TMEM132D: variants seen among roughly 807,000 people sequenced by gnomAD.
TMEM132D encodes the protein transmembrane protein 132D, also known as mature OL transmembrane protein.
Under a neutral mutation model 62.3 loss-of-function variants are expected in TMEM132D, and 21 were observed. That is an observed-to-expected ratio of 0.34 (90% CI 0.24 to 0.49). The LOEUF (loss-of-function observed/expected upper bound fraction) is 0.49. Ranked by LOEUF, TMEM132D falls within the 20% of genes least tolerant of loss-of-function variation. The pLI, the probability that TMEM132D is intolerant of heterozygous loss-of-function variation, is 0.99. For missense variants in TMEM132D, 1,346 were observed against 1,402.8 expected (o/e 0.96, Z 0.65); for synonymous variants, 621 against 575.6 (o/e 1.08, Z -1.13).
rs145581985 is a variant in TMEM132D, at chr12:129,367,109, C to T, written c.1116-29292G>A. Reference sequence around the variant, plus strand: ...CACAGGGTGGCCCATTTGACGGATGCGACTAGCAAGACCTGCACAAGACGA... The same window carrying T: ...CACAGGGTGGCCCATTTGACGGATGTGACTAGCAAGACCTGCACAAGACGA... On this transcript the variant is annotated intron_variant, in intron 3 of 8. Coordinates refer to ENST00000422113, the MANE Select transcript of TMEM132D (RefSeq NM_133448.3). Among the ~76,000 whole-genome samples, 579 of 152,280 alleles carry T rather than the reference C, an allele frequency of 3.8e-3. 2 individuals are homozygous for T. Among genetic ancestry groups the T allele is most frequent in the South Asian group, 6.0e-3 (29 of 4,826 alleles).
intron 5 of TMEM132D, among the ~76,000 whole-genome samples, chr12:129,177,757 T>C (rs1002139923): frequency 5.3e-5 from 8 of 152,184 alleles, no homozygotes; most frequent in Non-Finnish European, 1.0e-4. Flanking sequence ...GTAAGTTCCC[T>C]GACTCTTAAT....
At chr12:129,694,804 C>T (rs908247866) in intron 2 of TMEM132D, among the ~76,000 whole-genome samples, 22 of 152,246 alleles carry the variant, frequency 1.4e-4, no homozygotes, top group African/African-American at 4.8e-4. Context: ...GTCAGGAGAT[C>T]GAGACCATCC....
At chr12:129,177,617 G>C (rs1877941269) in intron 5 of TMEM132D, among the ~76,000 whole-genome samples, 1 of 152,132 alleles carries the variant, frequency 6.6e-6, no homozygotes, top group African/African-American at 2.4e-5. Context: ...AGTTAGCCAG[G>C]CATGGTGGTG....
intron 4 of TMEM132D, among the ~76,000 whole-genome samples, chr12:129,299,895 T>G (rs550102715): frequency 6.6e-6 from 1 of 152,314 alleles, no homozygotes; most frequent in South Asian, 2.1e-4. Flanking sequence ...TTACGCTTAA[T>G]CATTTTCATA....
At chr12:129,377,871 T>C (rs1593356939) in intron 3 of TMEM132D, among the ~76,000 whole-genome samples, 1 of 152,236 alleles carries the variant, frequency 6.6e-6, no homozygotes, top group East Asian at 1.9e-4. Context: ...TAAGTAATTA[T>C]TTTACTTTTC....
At chr12:129,314,717 G>C (rs1238229540) in intron 4 of TMEM132D, among the ~76,000 whole-genome samples, 1 of 152,062 alleles carries the variant, frequency 6.6e-6, no homozygotes, top group Non-Finnish European at 1.5e-5. Flanking sequence ...TGGCAGTGTG[G>C]TCATTTTCAC....
intron 4 of TMEM132D, among the ~76,000 whole-genome samples, chr12:129,275,906 G>A (rs1191337168): frequency 6.6e-6 from 1 of 152,210 alleles, no homozygotes; most frequent in Non-Finnish European, 1.5e-5. Flanking sequence ...GGGCTGTGAG[G>A]TCGAGTTGGA....
chr12:129,573,192 G>C lies in TMEM132D; in HGVS notation c.969-41987C>G, dbSNP rs61943482. ...ATCTCTCCCAGGGGCTCATCGGCCA[G>C]CTGTGGACTCACTACTGTGAGGATG... On this transcript the variant is annotated intron_variant, in intron 2 of 8. Transcript: ENST00000422113. Among the ~76,000 whole-genome samples the C allele has an allele frequency of 5.2e-3, 787 of 152,298 alleles. 4 individuals are homozygous for C. Among genetic ancestry groups the C allele is most frequent in the Non-Finnish European group, 8.4e-3 (572 of 68,028 alleles).
intron 1 of TMEM132D, among the ~76,000 whole-genome samples, chr12:129,882,042 T>C (rs574662787): frequency 6.6e-6 from 1 of 152,192 alleles, no homozygotes; most frequent in South Asian, 2.1e-4. Context: ...ATGAACCAAT[T>C]CATTAAAAAG....
At chr12:129,632,536 C>T (rs1294538926) in intron 2 of TMEM132D, among the ~76,000 whole-genome samples, 7 of 152,272 alleles carry the variant, frequency 4.6e-5, no homozygotes, top group Admixed American at 2.6e-4. Context: ...TTCATTTTTA[C>T]CTCCTGTCTC....
chr12:129,376,620 T>C (rs980720970), intron 3 of TMEM132D, among the ~76,000 whole-genome samples: 1 of 152,204 alleles, frequency 6.6e-6, no homozygotes, highest in African/African-American at 2.4e-5. Flanking sequence ...CAGTATGTGA[T>C]GACTTAGAGA....
chr12:129,541,024 C>T (rs1004958212), intron 2 of TMEM132D, among the ~76,000 whole-genome samples: 3 of 152,212 alleles, frequency 2.0e-5, no homozygotes, highest in Admixed American at 6.5e-5. Flanking sequence ...TTTTCTATTG[C>T]CATGGAACTA....
intron 3 of TMEM132D, among the ~76,000 whole-genome samples, chr12:129,369,306 C>T (rs576654834): frequency 8.7e-4 from 132 of 152,254 alleles, no homozygotes; most frequent in African/African-American, 3.1e-3. Flanking sequence ...TGCCCACCTC[C>T]CTAATCGATG....
At chr12:129,516,398 A>C (rs955322685) in intron 3 of TMEM132D, among the ~76,000 whole-genome samples, 1 of 152,202 alleles carries the variant, frequency 6.6e-6, no homozygotes, top group African/African-American at 2.4e-5. Context: ...TTTACAAAGA[A>C]AAAGAGGTTT....
At chr12:129,766,984 A>G (rs909973880) in intron 1 of TMEM132D, among the ~76,000 whole-genome samples, 4 of 152,196 alleles carry the variant, frequency 2.6e-5, no homozygotes, top group African/African-American at 9.7e-5. Context: ...GAAAGTGGGT[A>G]TAAATATGAC....
At chr12:129,744,170 G>A (rs1460102240) in intron 1 of TMEM132D, among the ~76,000 whole-genome samples, 1 of 152,118 alleles carries the variant, frequency 6.6e-6, no homozygotes, top group African/African-American at 2.4e-5. Context: ...TATTTTAATG[G>A]CTATTATCCT....
chr12:129,427,458 A>G (rs2135714171), intron 3 of TMEM132D, among the ~76,000 whole-genome samples: 1 of 152,178 alleles, frequency 6.6e-6, no homozygotes, highest in African/African-American at 2.4e-5. Flanking sequence ...CTAATGTTAA[A>G]TGACGAGTTG....
At chr12:129,704,082 T>G (rs987245728) in intron 1 of TMEM132D, among the ~76,000 whole-genome samples, 2 of 152,250 alleles carry the variant, frequency 1.3e-5, no homozygotes, top group Admixed American at 1.3e-4. Flanking sequence ...AATTATGTTT[T>G]GATTTCCAAT....
chr12:129,563,927 G>T (rs915407951), intron 2 of TMEM132D, among the ~76,000 whole-genome samples: 1 of 152,192 alleles, frequency 6.6e-6, no homozygotes, highest in Non-Finnish European at 1.5e-5. Flanking sequence ...TTGGGACAGC[G>T]TTTGGGGATA....
Sources: allele counts gnomAD v4.1 joint callset (sites outside exome capture counted in the v4.1 genomes callset), GRCh38; gene constraint gnomAD v4.1.1; transcripts MANE v1.5; gene names NCBI Gene and HGNC (gene_info 2026-07-23, HGNC 2026-07-21).